Variants in PAWR observed in about 807,000 individuals in gnomAD.
The protein encoded by PAWR is PRKC apoptosis WT1 regulator protein.
Under a neutral mutation model 32.0 loss-of-function variants are expected in PAWR, and 23 were observed. That is an observed-to-expected ratio of 0.72 (90% CI 0.52 to 1.02). PAWR has a LOEUF of 1.02. PAWR is among the 50% of genes least tolerant of loss of function. The pLI, the probability that PAWR is intolerant of heterozygous loss-of-function variation, is 0.00. For synonymous variants in PAWR, 226 were observed against 187.1 expected, an observed-to-expected ratio of 1.21 and a Z score of -1.70; for missense variants, 457 against 437.7, an observed-to-expected ratio of 1.04 and a Z score of -0.39.
chr12:79,632,324 TA>T lies in PAWR; in HGVS notation c.517-11118del, dbSNP rs1875699166. Among the ~76,000 whole-genome samples the T allele has an allele frequency of 1.9e-4, 5 of 26,654 alleles. 1 individual carries two copies. Among genetic ancestry groups the T allele is most frequent in the African/African-American group, 6.2e-4 (1 of 1,606 alleles). The allele number at this position is 26,654 out of a possible 152,430, so 17.5% of individuals were successfully genotyped here. On this transcript the variant is annotated intron_variant, in intron 2 of 6. Transcript: ENST00000328827. ...ATATATATACATACATATATATATA[TA>T]TATATATATATATATATATATATAT...
intron 2 of PAWR, among the ~76,000 whole-genome samples, chr12:79,624,030 G>C (rs577638312): frequency 5.3e-5 from 8 of 152,062 alleles, no homozygotes; most frequent in African/African-American, 1.9e-4. Context: ...ATAAAGAATG[G>C]TCTCATCTCT....
intron 4 of PAWR, among the ~76,000 whole-genome samples, chr12:79,597,547 GA>G: frequency 6.6e-6 from 1 of 151,924 alleles, no homozygotes; most frequent in Non-Finnish European, 1.5e-5. Flanking sequence ...ATTATAAATA[GA>G]AAAAAAGAAA....
intron 3 of PAWR, among the ~76,000 whole-genome samples, chr12:79,613,972 T>C (rs1874595118): frequency 1.9e-4 from 2 of 10,286 alleles, no homozygotes; most frequent in African/African-American, 1.4e-3. Context: ...TATATATATA[T>C]ATATATATTT....
In PAWR at chr12:79,590,303, G is replaced by C. The variant is rs1873512855; in HGVS notation, c.*2304C>G. Reference sequence around the variant, plus strand: ...CAACCTCTGTCTCCTGGGTTTTCAAGCGATTCTCCTGCCTCAGCCTCCTGA... The same window carrying C: ...CAACCTCTGTCTCCTGGGTTTTCAACCGATTCTCCTGCCTCAGCCTCCTGA... On this transcript the variant is annotated 3_prime_UTR_variant, in exon 7 of 7. Coordinates refer to ENST00000328827, the MANE Select transcript of PAWR (RefSeq NM_002583.4). 1 of 150,614 alleles carries C rather than the reference G, an allele frequency of 6.6e-6. No individual in the cohort carries two copies. The highest frequency in any genetic ancestry group is 1.5e-5 in the Non-Finnish European group (1 of 67,942). 9.3% of individuals were successfully genotyped at this position (150,614 alleles called of 1,614,324 possible).
rs114843851 is a variant in PAWR, at chr12:79,616,789, C to G, written c.649-3180G>C. Among the ~76,000 whole-genome samples the G allele has an allele frequency of 4.3e-3, 651 of 152,134 alleles. 6 individuals are homozygous for G. Among genetic ancestry groups the G allele is most frequent in the African/African-American group, 0.015 (622 of 41,508 alleles). ...GTTTTACACAGTATTTTCCACACTG[C>G]TAGCTTGATACAGTTGATAAAATTA... On this transcript the variant is annotated intron_variant, in intron 3 of 6. Coordinates refer to ENST00000328827, the MANE Select transcript of PAWR (RefSeq NM_002583.4).
chr12:79,671,965 T>C (rs1877924131), intron 2 of PAWR, among the ~76,000 whole-genome samples: 1 of 152,178 alleles, frequency 6.6e-6, no homozygotes, highest in South Asian at 2.1e-4. Flanking sequence ...CGAATAGCAG[T>C]GAAAAGTATT....
intron 2 of PAWR, among the ~76,000 whole-genome samples, chr12:79,626,453 G>A (rs1325651707): frequency 2.0e-5 from 3 of 150,510 alleles, no homozygotes; most frequent in African/African-American, 7.3e-5. Context: ...TAGATATGAG[G>A]GTTCACCATG....
intron 2 of PAWR, among the ~76,000 whole-genome samples, chr12:79,639,423 T>C (rs1876172385): frequency 6.6e-6 from 1 of 152,194 alleles, no homozygotes; most frequent in Non-Finnish European, 1.5e-5. Flanking sequence ...TGGAGAGTTA[T>C]GGCTAGGTTT....
At chr12:79,633,007 GT>G (rs1206055729) in intron 2 of PAWR, among the ~76,000 whole-genome samples, 5 of 151,966 alleles carry the variant, frequency 3.3e-5, no homozygotes, top group African/African-American at 1.2e-4. Flanking sequence ...AGTGGCGCAT[GT>G]CTGTAGTCTC....
intron 2 of PAWR, among the ~76,000 whole-genome samples, chr12:79,682,217 T>G (rs913971365): frequency 6.6e-6 from 1 of 152,154 alleles, no homozygotes. Context: ...AGTTGAGCAG[T>G]CACGGCTCAC....
chr12:79,592,588 A>C lies in PAWR; in HGVS notation c.*19T>G, dbSNP rs1164288857. 1 of 752,464 alleles carries C rather than the reference A, an allele frequency of 1.3e-6. No homozygotes were observed. Among genetic ancestry groups the C allele is most frequent in the Middle Eastern group, 2.3e-4 (1 of 4,386 alleles). The allele number at this position is 752,464 out of a possible 1,614,324, so 46.6% of individuals were successfully genotyped here. A position where few individuals can be genotyped will look rare whatever the true frequency, so the allele number is the denominator to read the frequency against. On this transcript the variant is annotated 3_prime_UTR_variant, in exon 7 of 7. Coordinates refer to ENST00000328827, the MANE Select transcript of PAWR (RefSeq NM_002583.4). Reference sequence around the variant, plus strand: ...ATCAGTAGTTTAAAATATTTTTTCCACATTGAGTCTTGAATCCTCTACCTG... The same window carrying C: ...ATCAGTAGTTTAAAATATTTTTTCCCCATTGAGTCTTGAATCCTCTACCTG...
intron 2 of PAWR, among the ~76,000 whole-genome samples, chr12:79,672,975 C>A (rs760914984): frequency 6.6e-6 from 1 of 152,024 alleles, no homozygotes; most frequent in Non-Finnish European, 1.5e-5. Flanking sequence ...ACTACCACAA[C>A]GAAAATAATG....
At chr12:79,617,266 T>C (rs1874784733) in intron 3 of PAWR, among the ~76,000 whole-genome samples, 1 of 152,142 alleles carries the variant, frequency 6.6e-6, no homozygotes, top group African/African-American at 2.4e-5. Flanking sequence ...ACAGGAGAAT[T>C]GCTTTAACAG....
At position 79,637,541 on chromosome 12, in the gene PAWR, TAA is replaced by T. The variant is rs112508716; in HGVS notation, c.517-16336_517-16335del. Reference sequence around the variant, plus strand: ...AAACAACAACAACAACATTGAACATTAAAAAAAAAAAAAAAAGATAAATTGAA... The same window carrying T: ...AAACAACAACAACAACATTGAACATTAAAAAAAAAAAAAAGATAAATTGAA... On this transcript the variant is annotated intron_variant, in intron 2 of 6. Transcript: ENST00000328827. Among the ~76,000 whole-genome samples the T allele has an allele frequency of 5.6e-3, 740 of 132,772 alleles. 14 individuals are homozygous for T. The highest frequency in any genetic ancestry group is 0.018 in the African/African-American group (676 of 36,622). 87.1% of individuals were successfully genotyped at this position (132,772 alleles called of 152,430 possible). A position where few individuals can be genotyped will look rare whatever the true frequency, so the allele number is the denominator to read the frequency against.
intron 2 of PAWR, among the ~76,000 whole-genome samples, chr12:79,677,194 A>G (rs1878212325): frequency 6.6e-6 from 1 of 152,228 alleles, no homozygotes; most frequent in Admixed American, 6.5e-5. Context: ...CATCCAAATT[A>G]GAGAATATTC....
intron 2 of PAWR, among the ~76,000 whole-genome samples, chr12:79,675,765 T>C (rs1878133471): frequency 6.6e-6 from 1 of 152,074 alleles, no homozygotes; most frequent in African/African-American, 2.4e-5. Flanking sequence ...GTAAGGATAT[T>C]ATGGGTACTA....
chr12:79,658,098 T>C (rs1877181031), intron 2 of PAWR, among the ~76,000 whole-genome samples: 1 of 152,208 alleles, frequency 6.6e-6, no homozygotes, highest in Non-Finnish European at 1.5e-5. Flanking sequence ...CAAAAATTTG[T>C]GTCACTTTAC....
intron 2 of PAWR, among the ~76,000 whole-genome samples, chr12:79,657,725 T>C (rs998492772): frequency 2.0e-5 from 3 of 146,544 alleles, no homozygotes; most frequent in Admixed American, 1.4e-4. Flanking sequence ...ACCCGGGAGG[T>C]GGAGCTTGCA....
intron 2 of PAWR, among the ~76,000 whole-genome samples, chr12:79,665,832 C>T (rs1022728928): frequency 3.9e-5 from 6 of 152,206 alleles, no homozygotes; most frequent in Non-Finnish European, 2.9e-5. Context: ...TAAAATCAAA[C>T]TGCAGCAAAA....
Sources: gnomAD v4.1 joint callset for allele counts (sites outside exome capture counted in the v4.1 genomes callset) on GRCh38, gnomAD v4.1.1 for gene constraint, MANE v1.5 for transcripts, NCBI Gene and HGNC (gene_info 2026-07-23, HGNC 2026-07-21) for gene names.